NCKAP5: variants seen among roughly 807,000 people sequenced by gnomAD.
NCKAP5 encodes nck-associated protein 5.
NCKAP5 carries 92 observed loss-of-function variants against 167.0 expected under a neutral mutation model. The ratio of observed to expected loss-of-function variants is 0.55; its 90% CI spans 0.47 to 0.66. NCKAP5 has a LOEUF of 0.66. NCKAP5 is among the 30% of genes least tolerant of loss of function. NCKAP5 has a pLI of 0.00. For synonymous variants in NCKAP5, 891 were observed against 877.4 expected (o/e 1.02, Z -0.27); for missense variants, 2,378 against 2,315.0 (o/e 1.03, Z -0.56).
chr2:133,443,769 G>T (rs1231096171), intron 3 of NCKAP5, among the ~76,000 whole-genome samples: 1 of 152,178 alleles, frequency 6.6e-6, no homozygotes, highest in African/African-American at 2.4e-5. Context: ...CTGGAAGAGG[G>T]GAGGAAAGGA....
chr2:133,121,305 C>G lies in NCKAP5; in HGVS notation c.341+8673G>C, dbSNP rs77928872. On this transcript the variant is annotated intron_variant, in intron 6 of 19. Coordinates refer to ENST00000409261, the MANE Select transcript of NCKAP5 (RefSeq NM_207363.3). Reference sequence around the variant, plus strand: ...AAGACATATCCAGTTGTTTTTTTAACAGATGCACAAGACTAAACTGAAGGG... The same window carrying G: ...AAGACATATCCAGTTGTTTTTTTAAGAGATGCACAAGACTAAACTGAAGGG... Among the ~76,000 whole-genome samples the G allele has an allele frequency of 1.8e-4, 28 of 151,914 alleles. No individual in the cohort carries two copies. The East Asian group carries it at 5.2e-3, about 28-fold the overall frequency.
At chr2:132,722,044 T>A (rs1441203761) in intron 19 of NCKAP5, among the ~76,000 whole-genome samples, 4 of 152,234 alleles carry the variant, frequency 2.6e-5, no homozygotes, top group Non-Finnish European at 5.9e-5. Flanking sequence ...TCACTTCATT[T>A]TGCAGAAGGA....
At chr2:133,352,490 A>G (rs1684431322) in intron 3 of NCKAP5, among the ~76,000 whole-genome samples, 1 of 152,240 alleles carries the variant, frequency 6.6e-6, no homozygotes, top group Admixed American at 6.5e-5. Flanking sequence ...GGCATAGAGA[A>G]GAGGTCTGAA....
chr2:132,857,968 A>G (rs1046693903), intron 11 of NCKAP5, among the ~76,000 whole-genome samples: 10 of 152,208 alleles, frequency 6.6e-5, no homozygotes, highest in Non-Finnish European at 1.3e-4. Context: ...GCTGTTTCTT[A>G]TAAGTTATTT....
At position 133,553,385 on chromosome 2, in the gene NCKAP5, G is replaced by T. The variant is rs1687512112; in HGVS notation, c.-62+5665C>A. Among the ~76,000 whole-genome samples, 3 of 152,152 alleles carry T rather than the reference G, an allele frequency of 2.0e-5. No individual in the cohort carries two copies. The South Asian group carries it at 6.2e-4, about 32-fold the overall frequency. On this transcript the variant is annotated intron_variant, in intron 2 of 19. Transcript: ENST00000409261. ...TCCATAATGAACCTGAATTCCTGGG[G>T]CAGGCAGGCAGGGAAGGAATGCTGG...
chr2:132,786,535 CCATCA>C (rs1306878977), intron 13 of NCKAP5, among the ~76,000 whole-genome samples: 2 of 152,152 alleles, frequency 1.3e-5, no homozygotes, highest in Non-Finnish European at 2.9e-5. Context: ...AATTTCCTGC[CCATCA>C]CCCTTCCCAA....
chr2:133,318,516 C>T (rs1365644098), intron 3 of NCKAP5, among the ~76,000 whole-genome samples: 3 of 152,136 alleles, frequency 2.0e-5, no homozygotes, highest in Non-Finnish European at 4.4e-5. Flanking sequence ...GCACTGCTGC[C>T]TTGTTTGAAA....
intron 9 of NCKAP5, among the ~76,000 whole-genome samples, chr2:132,869,371 T>C (rs1303974072): frequency 6.6e-6 from 1 of 152,218 alleles, no homozygotes; most frequent in Non-Finnish European, 1.5e-5. Flanking sequence ...GTCCTTCCTA[T>C]TCCTTTGCTG....
At chr2:133,510,019 A>G (rs1199638928) in intron 3 of NCKAP5, among the ~76,000 whole-genome samples, 1 of 152,222 alleles carries the variant, frequency 6.6e-6, no homozygotes, top group Non-Finnish European at 1.5e-5. Context: ...AGAGTGAGTA[A>G]CAACCACAAT....
chr2:133,493,980 T>G (rs745411232), intron 3 of NCKAP5, among the ~76,000 whole-genome samples: 12 of 152,236 alleles, frequency 7.9e-5, no homozygotes, highest in Non-Finnish European at 1.6e-4. Flanking sequence ...CTTTCTTGCT[T>G]GTCCAAGAAA....
the NCKAP5 span, among the ~76,000 whole-genome samples, chr2:133,659,185 A>G: frequency 5.9e-5 from 9 of 152,158 alleles, no homozygotes; most frequent in African/African-American, 2.2e-4. Context: ...TTGCAAACAC[A>G]GAAAATAATT....
the NCKAP5 span, among the ~76,000 whole-genome samples, chr2:133,674,538 G>GA: frequency 6.6e-6 from 1 of 151,930 alleles, no homozygotes; most frequent in Non-Finnish European, 1.5e-5. Flanking sequence ...ATGTCCTCCA[G>GA]AAAAATCACA....
intron 5 of NCKAP5, among the ~76,000 whole-genome samples, chr2:133,157,142 T>A (rs1268622213): frequency 6.6e-6 from 1 of 152,248 alleles, no homozygotes; most frequent in Non-Finnish European, 1.5e-5. Flanking sequence ...CTATTTTCTA[T>A]ATCTCACATC....
At chr2:132,889,462 G>A (rs1318045851) in intron 8 of NCKAP5, among the ~76,000 whole-genome samples, 1 of 151,962 alleles carries the variant, frequency 6.6e-6, no homozygotes, top group Non-Finnish European at 1.5e-5. Flanking sequence ...ATATACAGGG[G>A]CCACCATAAA....
Position 132,728,876 on chromosome 2 carries a change from G to A in NCKAP5, c.5520C>T (p.Asp1840=). 1 of 1,613,930 alleles carries A rather than the reference G, an allele frequency of 6.2e-7. No individual in the cohort carries two copies. Among genetic ancestry groups the A allele is most frequent in the Non-Finnish European group, 8.5e-7 (1 of 1,179,864 alleles). ...QTCSSFGYAE[D]PMASQPLPDW... ...CTGGAAGCGGCTGGCTTGCCATTGG[G>A]TCTTCAGCATATCCGAATGATGAGC... Residue 1840 remains aspartate (D), a synonymous_variant, in exon 18 of 20, where the codon GAC becomes GAT. Transcript: ENST00000409261.
intron 8 of NCKAP5, among the ~76,000 whole-genome samples, chr2:132,881,158 G>A (rs990816498): frequency 1.5e-4 from 23 of 151,930 alleles, no homozygotes; most frequent in African/African-American, 5.1e-4. Context: ...TCTCTAATCC[G>A]GAATACCTTG....
At chr2:132,863,608 C>G (rs1223924295) in intron 10 of NCKAP5, among the ~76,000 whole-genome samples, 1 of 152,154 alleles carries the variant, frequency 6.6e-6, no homozygotes, top group Non-Finnish European at 1.5e-5. Flanking sequence ...CCTGAGAACT[C>G]TCTGTTCATC....
At chr2:133,047,858 T>C (rs899142137) in intron 6 of NCKAP5, among the ~76,000 whole-genome samples, 1 of 152,178 alleles carries the variant, frequency 6.6e-6, no homozygotes, top group Admixed American at 6.5e-5. Context: ...GCAAAGCTTG[T>C]TACAGCTTTT....
intron 8 of NCKAP5, among the ~76,000 whole-genome samples, chr2:132,928,230 A>G (rs935706959): frequency 6.6e-6 from 1 of 152,206 alleles, no homozygotes; most frequent in Admixed American, 6.5e-5. Flanking sequence ...CAATAATACA[A>G]TTATCTTATA....
Sources: allele counts gnomAD v4.1 joint callset (sites outside exome capture counted in the v4.1 genomes callset), GRCh38; gene constraint gnomAD v4.1.1; transcripts MANE v1.5; gene names NCBI Gene and HGNC (gene_info 2026-07-23, HGNC 2026-07-21).